The following ZNF236 variants were observed in gnomAD, a reference collection of about 807,000 sequenced individuals.
ZNF236 encodes the protein regulated by glucose.
In ZNF236, 50 loss-of-function variants were observed where a neutral mutation model predicts 191.2. The observed-to-expected ratio is 0.26, with a 90% confidence interval of 0.21 to 0.33. The LOEUF (loss-of-function observed/expected upper bound fraction) is 0.33, where lower values mean the gene tolerates loss of function less well. ZNF236 is among the 10% of genes least tolerant of loss of function. ZNF236 has a pLI of 1.00. For synonymous variants in ZNF236, 907 were observed against 928.8 expected (o/e 0.98, Z 0.43); for missense variants, 1,754 against 2,374.5 (o/e 0.74, Z 5.43).
chr18:76,838,009 TG>T (rs1975385055), intron 1 of ZNF236, among the ~76,000 whole-genome samples: 1 of 152,234 alleles, frequency 6.6e-6, no homozygotes, highest in Admixed American at 6.5e-5. Flanking sequence ...AAATTGTTGG[TG>T]GTACATGTCA....
chr18:76,959,192 G>A (rs751858197), intron 28 of ZNF236, among the ~76,000 whole-genome samples: 5 of 152,212 alleles, frequency 3.3e-5, no homozygotes, highest in Admixed American at 1.3e-4. Context: ...TGGGCATTCC[G>A]TGAGGACTTG....
intron 27 of ZNF236, among the ~76,000 whole-genome samples, chr18:76,953,901 C>T (rs1005578368): frequency 3.3e-5 from 5 of 152,164 alleles, no homozygotes; most frequent in African/African-American, 1.2e-4. Flanking sequence ...TTCCAACAGC[C>T]ACACTCCTCA....
At chr18:76,877,893 G>A (rs1459008031) in intron 6 of ZNF236, 116 bp from the exon 7 acceptor site, 1 of 795,004 alleles carries the variant, frequency 1.3e-6, no homozygotes, top group African/African-American at 1.7e-5. Context: ...ATGTTGAAGG[G>A]TTAGATTATT....
At chr18:76,910,440 G>A (rs1967187361) in intron 15 of ZNF236, among the ~76,000 whole-genome samples, 1 of 152,096 alleles carries the variant, frequency 6.6e-6, no homozygotes, top group South Asian at 2.1e-4. Flanking sequence ...ACTTCGTGGT[G>A]GCTGGTCCTG....
At chr18:76,838,081 C>T (rs936605911) in intron 1 of ZNF236, among the ~76,000 whole-genome samples, 2 of 152,166 alleles carry the variant, frequency 1.3e-5, no homozygotes, top group Admixed American at 1.3e-4. Context: ...GGGCAGCAAA[C>T]TAGGCTCAAA....
At position 76,947,471 on chromosome 18, in the gene ZNF236, C is replaced by G. The variant is rs776422499; in HGVS notation, c.4783-50C>G. ...CCATAAAAGATCTTTTAAATTATTG[C>G]TTGTTTTGCTAAAGTTACAACTTCT... On this transcript the variant is annotated intron_variant, in intron 26 of 30. Coordinates refer to ENST00000320610, the MANE Select transcript of ZNF236 (RefSeq NM_001306089.2). 6 of 1,581,670 alleles carry G rather than the reference C, an allele frequency of 3.8e-6. No individual in the cohort carries two copies. The South Asian group carries it at 6.9e-5, about 18-fold the overall frequency.
intron 2 of ZNF236, among the ~76,000 whole-genome samples, chr18:76,851,485 T>C (rs1975869111): frequency 6.6e-6 from 1 of 152,204 alleles, no homozygotes; most frequent in Non-Finnish European, 1.5e-5. Context: ...AGGTGTTTCA[T>C]TGTCAAACAC....
rs1968031298 is a variant in ZNF236 at position 76,937,395 on chromosome 18, G to A, written c.4782+52G>A. Reference sequence around the variant, plus strand: ...AAGGTCCTTTCAAAAAGTGATCTTTGAAAACATTATTCATTGACTCCTTCC... The same window carrying A: ...AAGGTCCTTTCAAAAAGTGATCTTTAAAAACATTATTCATTGACTCCTTCC... On this transcript the variant is annotated intron_variant, in intron 26 of 30. Transcript: ENST00000320610. 9 of 1,449,054 alleles carry A rather than the reference G, an allele frequency of 6.2e-6. No homozygotes were observed. The Middle Eastern group carries it at 7.3e-4, about 118-fold the overall frequency. 89.8% of individuals were successfully genotyped at this position (1,449,054 alleles called of 1,614,324 possible).
chr18:76,924,448 G>A (rs1212718794), intron 21 of ZNF236, among the ~76,000 whole-genome samples: 3 of 152,162 alleles, frequency 2.0e-5, no homozygotes, highest in Admixed American at 1.3e-4. Context: ...AACCCAGGGC[G>A]GCGTTGGGAT....
rs748484363 is a variant in ZNF236 at position 76,895,140 on chromosome 18, G to T, written c.1545G>T (p.Pro515=). ...IHTHEKPFKC[P]QCFRAFAVKS... Reference sequence around the variant, plus strand: ...CCCACGAGAAGCCCTTCAAGTGCCCGCAGTGCTTCCGCGCCTTCGCCGTGA... The same window carrying T: ...CCCACGAGAAGCCCTTCAAGTGCCCTCAGTGCTTCCGCGCCTTCGCCGTGA... The change falls in exon 10 of 31, where the codon CCG becomes CCT. Residue 515 remains proline (P), a synonymous_variant. Coordinates refer to ENST00000320610, the MANE Select transcript of ZNF236 (RefSeq NM_001306089.2). 6.2e-6 allele frequency: 10 copies of T among 1,610,234 alleles called. No individual in the cohort carries two copies. The highest frequency in any genetic ancestry group is 1.3e-5 in the African/African-American group (1 of 74,942).
intron 20 of ZNF236, among the ~76,000 whole-genome samples, chr18:76,921,737 C>CTTTT (rs11380490): frequency 0.016 from 1,580 of 97,898 alleles, 43 homozygotes; most frequent in African/African-American, 0.019. Flanking sequence ...GTGGGATGTT[C>CTTTT]TTTTTTTTTT....
chr18:76,961,406 T>C (rs1968664722), intron 30 of ZNF236, among the ~76,000 whole-genome samples: 2 of 149,978 alleles, frequency 1.3e-5, no homozygotes, highest in Admixed American at 6.7e-5. Context: ...TGTGTGTGTG[T>C]ATTTATGTAT....
intron 30 of ZNF236, among the ~76,000 whole-genome samples, 174 bp from the exon 31 acceptor site, chr18:76,968,041 G>A (rs1018554383): frequency 6.6e-6 from 1 of 152,148 alleles, no homozygotes; most frequent in African/African-American, 2.4e-5. Context: ...CTACTGTCCT[G>A]CCGGCAGAGG....
At chr18:76,828,224 T>C (rs1975070352) in intron 1 of ZNF236, among the ~76,000 whole-genome samples, 2 of 151,818 alleles carry the variant, frequency 1.3e-5, no homozygotes, top group African/African-American at 2.4e-5. Flanking sequence ...TGGAGTGCAG[T>C]GGCATGATCT....
intron 1 of ZNF236, among the ~76,000 whole-genome samples, chr18:76,842,212 C>A (rs1404991195): frequency 1.3e-5 from 2 of 151,368 alleles, no homozygotes; most frequent in Non-Finnish European, 2.9e-5. Flanking sequence ...CCCCACCCCC[C>A]ATAAAGATTA....
intron 3 of ZNF236, among the ~76,000 whole-genome samples, chr18:76,856,089 T>A (rs547991970): frequency 3.8e-4 from 58 of 152,134 alleles, no homozygotes; most frequent in African/African-American, 1.2e-3. Context: ...TAAAAAAAAA[T>A]AGAAATCAGG....
chr18:76,937,362 G>T lies in ZNF236; in HGVS notation c.4782+19G>T, dbSNP rs771872188. On this transcript the variant is annotated intron_variant, in intron 26 of 30. Transcript: ENST00000320610. Reference sequence around the variant, plus strand: ...CTCTCAGGCAAGTGCTCCTCAGAGAGGGATGCGAAGGTCCTTTCAAAAAGT... The same window carrying T: ...CTCTCAGGCAAGTGCTCCTCAGAGATGGATGCGAAGGTCCTTTCAAAAAGT... The T allele has an allele frequency of 6.4e-7, 1 of 1,560,134 alleles. No individual in the cohort carries two copies. The highest frequency in any genetic ancestry group is 2.3e-5 in the East Asian group (1 of 43,906).
chr18:76,892,382 T>C (rs1219055391), intron 9 of ZNF236, among the ~76,000 whole-genome samples: 1 of 151,792 alleles, frequency 6.6e-6, no homozygotes, highest in Non-Finnish European at 1.5e-5. Context: ...TTAATGGCAG[T>C]GATAGTGGAC....
chr18:76,895,671 G>T (rs1977384008), intron 10 of ZNF236, among the ~76,000 whole-genome samples: 1 of 151,548 alleles, frequency 6.6e-6, no homozygotes, highest in African/African-American at 2.4e-5. Context: ...CTGCCCACAG[G>T]GACTGCACAC....
Sources: allele counts gnomAD v4.1 joint callset (sites outside exome capture counted in the v4.1 genomes callset), GRCh38; gene constraint gnomAD v4.1.1; transcripts MANE v1.5; gene names NCBI Gene and HGNC (gene_info 2026-07-23, HGNC 2026-07-21).